SLMAP: variants seen among roughly 807,000 people sequenced by gnomAD.
The protein encoded by SLMAP is sarcolemmal membrane-associated protein.
Under a neutral mutation model 128.8 loss-of-function variants are expected in SLMAP, and 44 were observed. That is an observed-to-expected ratio of 0.34 (90% CI 0.27 to 0.44). The LOEUF (loss-of-function observed/expected upper bound fraction) is 0.44. Ranked by LOEUF, SLMAP falls within the 20% of genes least tolerant of loss-of-function variation. SLMAP has a pLI of 1.00. For synonymous variants in SLMAP, 327 were observed against 348.8 expected (o/e 0.94, Z 0.70); for missense variants, 787 against 985.3 (o/e 0.80, Z 2.69).
intron 2 of SLMAP, among the ~76,000 whole-genome samples, chr3:57,762,385 T>C (rs1470738723): frequency 6.6e-6 from 1 of 150,736 alleles, no homozygotes; most frequent in South Asian, 2.1e-4. Context: ...AAAAAAAAAG[T>C]TGGAAGAAAT....
intron 15 of SLMAP, 132 bp downstream of exon 15, chr3:57,890,232 G>A (rs1234820838): frequency 1.4e-6 from 1 of 690,676 alleles, no homozygotes; most frequent in African/African-American, 1.8e-5. Context: ...GCCAGTAACA[G>A]TATCAGATAA....
chr3:57,926,473 G>T (rs1157115336), intron 24 of SLMAP, among the ~76,000 whole-genome samples: 1 of 152,058 alleles, frequency 6.6e-6, no homozygotes, highest in Non-Finnish European at 1.5e-5. Flanking sequence ...ACCCTATTGT[G>T]TACTTGCAAG....
chr3:57,925,754 C>T (rs1448048959), intron 23 of SLMAP, 91 bp from the exon 24 acceptor site: 7 of 835,030 alleles, frequency 8.4e-6, no homozygotes, highest in African/African-American at 1.7e-5. Flanking sequence ...TTCATTCTTT[C>T]TTCCTACCTC....
chr3:57,837,105 C>T (rs910573538), intron 3 of SLMAP, among the ~76,000 whole-genome samples: 1 of 152,216 alleles, frequency 6.6e-6, no homozygotes, highest in Admixed American at 6.5e-5. Flanking sequence ...CCCTAATAGA[C>T]ATGGCCTTCA....
intron 2 of SLMAP, among the ~76,000 whole-genome samples, chr3:57,765,710 G>C (rs1040197127): frequency 2.0e-5 from 3 of 152,118 alleles, no homozygotes; most frequent in African/African-American, 7.2e-5. Context: ...ATCATTAAGG[G>C]GTGCTGGTGT....
At chr3:57,876,794 G>T (rs2095614399) in intron 14 of SLMAP, among the ~76,000 whole-genome samples, 1 of 152,236 alleles carries the variant, frequency 6.6e-6, no homozygotes, top group African/African-American at 2.4e-5. Context: ...AGGGTGAAAG[G>T]ACATGGAGAA....
chr3:57,886,399 T>TA (rs538824338), intron 14 of SLMAP, among the ~76,000 whole-genome samples: 1 of 152,118 alleles, frequency 6.6e-6, no homozygotes, highest in Non-Finnish European at 1.5e-5. Flanking sequence ...GCACCCAGCT[T>TA]AAAAGTATAA....
intron 2 of SLMAP, among the ~76,000 whole-genome samples, chr3:57,799,822 G>A (rs888053862): frequency 6.6e-6 from 1 of 152,068 alleles, no homozygotes; most frequent in African/African-American, 2.4e-5. Flanking sequence ...TTGCTTGTTT[G>A]TTTTAACAAA....
Position 57,781,531 on chromosome 3 carries a change from T to C in SLMAP, c.198+23682T>C, listed in dbSNP as rs1240572968. Among the ~76,000 whole-genome samples, 6 of 152,294 alleles carry C rather than the reference T, an allele frequency of 3.9e-5. No individual in the cohort carries two copies. The East Asian group carries it at 1.2e-3, about 29-fold the overall frequency. On this transcript the variant is annotated intron_variant, in intron 2 of 24. Coordinates refer to ENST00000671191, the MANE Select transcript of SLMAP (RefSeq NM_001377540.1). The stretch of plus-strand genomic sequence containing the variant: ...AGAGAAAAATAAGAATCTATGTTTG[T>C]TATTTGTTTATGCCTAAAGAAACTC...
At chr3:57,920,464 T>C (rs1443862918) in intron 22 of SLMAP, among the ~76,000 whole-genome samples, 1 of 152,146 alleles carries the variant, frequency 6.6e-6, no homozygotes, top group Non-Finnish European at 1.5e-5. Flanking sequence ...TTATATTCCT[T>C]CTTAATATTT....
At chr3:57,922,348 G>T (rs1385064781) in intron 22 of SLMAP, among the ~76,000 whole-genome samples, 2 of 151,688 alleles carry the variant, frequency 1.3e-5, no homozygotes, top group African/African-American at 2.4e-5. Context: ...ATGACAAAAT[G>T]GTGATTACTC....
At chr3:57,864,375 CA>C (rs879885658) in intron 10 of SLMAP, among the ~76,000 whole-genome samples, 172 bp from the exon 11 acceptor site, 75 of 136,708 alleles carry the variant, frequency 5.5e-4, no homozygotes, top group African/African-American at 4.6e-4. Context: ...AACTCCATCT[CA>C]AAAAAAAAAA....
intron 2 of SLMAP, among the ~76,000 whole-genome samples, chr3:57,817,074 G>A (rs1264376597): frequency 6.6e-6 from 1 of 152,140 alleles, no homozygotes; most frequent in African/African-American, 2.4e-5. Context: ...GTCAGCAGAG[G>A]GTCAACAGTC....
At chr3:57,854,809 A>T (rs1164399302) in intron 6 of SLMAP, among the ~76,000 whole-genome samples, 2 of 152,192 alleles carry the variant, frequency 1.3e-5, no homozygotes, top group Non-Finnish European at 1.5e-5. Context: ...ATGTGGTTGT[A>T]TATATACACA....
intron 4 of SLMAP, among the ~76,000 whole-genome samples, chr3:57,842,873 T>A (rs2094006431): frequency 6.6e-6 from 1 of 152,194 alleles, no homozygotes; most frequent in Non-Finnish European, 1.5e-5. Context: ...TGGAGGAAGA[T>A]CAGAATGGCC....
At chr3:57,925,754 C>A (rs1448048959) in intron 23 of SLMAP, 91 bp from the exon 24 acceptor site, 2 of 835,028 alleles carry the variant, frequency 2.4e-6, no homozygotes, top group Admixed American at 4.5e-5. Context: ...TTCATTCTTT[C>A]TTCCTACCTC....
intron 17 of SLMAP, among the ~76,000 whole-genome samples, chr3:57,903,559 C>G (rs1324447279): frequency 6.6e-6 from 1 of 152,186 alleles, no homozygotes; most frequent in Non-Finnish European, 1.5e-5. Flanking sequence ...AATCTCCAGT[C>G]ACTCTTTTGA....
At chr3:57,778,627 TGTG>T (rs1330789562) in intron 2 of SLMAP, among the ~76,000 whole-genome samples, 1 of 148,558 alleles carries the variant, frequency 6.7e-6, no homozygotes, top group Non-Finnish European at 1.5e-5. Context: ...CAAGCTGGAG[TGTG>T]GTGGTGCAAT....
chr3:57,784,631 T>C (rs1460876548), intron 2 of SLMAP, among the ~76,000 whole-genome samples: 2 of 152,184 alleles, frequency 1.3e-5, no homozygotes, highest in Non-Finnish European at 2.9e-5. Flanking sequence ...TGAGTTGATA[T>C]TGGAATGAGT....
Sources: gnomAD v4.1 joint callset for allele counts (sites outside exome capture counted in the v4.1 genomes callset) on GRCh38, gnomAD v4.1.1 for gene constraint, MANE v1.5 for transcripts, NCBI Gene and HGNC (gene_info 2026-07-23, HGNC 2026-07-21) for gene names.